The following VRK2 variants were observed in gnomAD, a reference collection of about 807,000 sequenced individuals.
VRK2 encodes serine/threonine-protein kinase VRK2.
In VRK2, 60 loss-of-function variants were observed where a neutral mutation model predicts 57.6. The observed-to-expected ratio is 1.04, with a 90% CI of 0.85 to 1.29. VRK2 has a LOEUF of 1.29. Ranked by LOEUF, VRK2 falls within the 50% of genes most tolerant of loss-of-function variation. VRK2 has a pLI of 0.00. For synonymous variants in VRK2, 231 were observed against 199.2 expected, an observed-to-expected ratio of 1.16 and a Z score of -1.35; for missense variants, 705 against 588.1, an observed-to-expected ratio of 1.20 and a Z score of -2.06.
chr2:57,970,075 G>T (rs138746568), intron 1 of VRK2, among the ~76,000 whole-genome samples: 2 of 150,186 alleles, frequency 1.3e-5, no homozygotes, highest in Non-Finnish European at 3.0e-5. Context: ...ATGACAAAGG[G>T]CATATAAAAT....
chr2:58,131,764 A>G, intron 8 of VRK2, 44 bp from the exon 9 acceptor site: 1 of 1,520,948 alleles, frequency 6.6e-7, no homozygotes, highest in Middle Eastern at 1.8e-4. Context: ...TTTCTCAAGG[A>G]CTTGCTTATC....
chr2:57,940,529 G>T lies in VRK2; in HGVS notation c.-439+32690G>T, dbSNP rs531369974. 2.7e-5 allele frequency among the ~76,000 whole-genome samples: 4 copies of T among 147,846 alleles called. No homozygotes were observed. In the South Asian group the frequency reaches 6.5e-4, roughly 24 times the overall value. ...CTGGGCACTGCATGGCCCAGTCAAGGTGACACAGAATTAACCATCATACAG... is the reference window on the plus strand; with the variant it reads ...CTGGGCACTGCATGGCCCAGTCAAGTTGACACAGAATTAACCATCATACAG... On this transcript the variant is annotated intron_variant, in intron 1 of 15. Coordinates refer to the VRK2 transcript ENST00000417641.
chr2:58,009,411 C>A (rs1485576798), intron 1 of VRK2, among the ~76,000 whole-genome samples: 3 of 151,434 alleles, frequency 2.0e-5, no homozygotes, highest in Non-Finnish European at 4.4e-5. Flanking sequence ...TGAATATCAG[C>A]CATGACCATG....
intron 2 of VRK2, among the ~76,000 whole-genome samples, chr2:58,076,035 C>T (rs938801565): frequency 2.0e-5 from 3 of 151,372 alleles, no homozygotes; most frequent in African/African-American, 7.3e-5. Flanking sequence ...GAGTAAGGAC[C>T]TCCAAGCTCT....
rs144463193 is a variant in VRK2, at chr2:58,102,397, G to A, written c.543+12674G>A. On this transcript the variant is annotated intron_variant, in intron 7 of 12. Transcript: ENST00000340157. ...AGACACTTATAGATTGAAGGCCAAG[G>A]GATTGAAAAAGATATTCCACCCAAG... is the stretch of plus-strand genomic sequence containing the variant. 4.0e-5 allele frequency among the ~76,000 whole-genome samples: 6 copies of A among 150,204 alleles called. No homozygotes were observed. The East Asian group carries it at 7.8e-4, about 19-fold the overall frequency.
chr2:58,061,178 C>T (rs965132606), intron 2 of VRK2, among the ~76,000 whole-genome samples: 4 of 151,058 alleles, frequency 2.6e-5, no homozygotes, highest in African/African-American at 7.3e-5. Flanking sequence ...AACTGTGGTT[C>T]AGAATTATAG....
intron 1 of VRK2, among the ~76,000 whole-genome samples, chr2:58,015,372 T>C (rs1673549105): frequency 6.6e-6 from 1 of 152,230 alleles, no homozygotes; most frequent in Admixed American, 6.5e-5. Context: ...TGGCTATGAA[T>C]CCTGGCCTTA....
chr2:58,040,897 T>C (rs578259003), intron 3 of VRK2, among the ~76,000 whole-genome samples: 1 of 152,312 alleles, frequency 6.6e-6, no homozygotes, highest in African/African-American at 2.4e-5. Context: ...GCATGAAAGG[T>C]AAGCCTAAAA....
intron 2 of VRK2, among the ~76,000 whole-genome samples, chr2:58,052,821 C>T (rs1439991354): frequency 1.3e-5 from 2 of 152,214 alleles, no homozygotes; most frequent in African/African-American, 4.8e-5. Flanking sequence ...GAAAAGTTCT[C>T]ATATAAGCTG....
chr2:58,088,222 T>G, intron 5 of VRK2, 119 bp from the exon 6 acceptor site: 1 of 700,910 alleles, frequency 1.4e-6, no homozygotes, highest in South Asian at 1.8e-5. Flanking sequence ...CTCTAATGGT[T>G]TAGATTGCAT....
At chr2:58,151,714 A>ACTATGCTT (rs1442072905) in intron 12 of VRK2, among the ~76,000 whole-genome samples, 1 of 24,540 alleles carries the variant, frequency 4.1e-5, no homozygotes, top group African/African-American at 1.4e-4. Flanking sequence ...TTTTTTTTTA[A>ACTATGCTT]CTATGCTTCT....
At chr2:58,020,763 T>C (rs1338765845) in intron 1 of VRK2, among the ~76,000 whole-genome samples, 1 of 152,216 alleles carries the variant, frequency 6.6e-6, no homozygotes, top group Non-Finnish European at 1.5e-5. Flanking sequence ...TATTATCTTT[T>C]TCTAAAATAA....
chr2:58,075,594 T>C (rs1434260478), intron 2 of VRK2, among the ~76,000 whole-genome samples: 1 of 152,138 alleles, frequency 6.6e-6, no homozygotes, highest in Non-Finnish European at 1.5e-5. Context: ...TGGTACAAGA[T>C]GGTATCTTGT....
At chr2:58,102,699 A>G (rs781468033) in intron 7 of VRK2, among the ~76,000 whole-genome samples, 4 of 151,620 alleles carry the variant, frequency 2.6e-5, no homozygotes, top group Non-Finnish European at 5.9e-5. Context: ...GATCATTGAG[A>G]CAGAAAATCA....
At chr2:58,020,260 G>A (rs1295581140) in intron 1 of VRK2, among the ~76,000 whole-genome samples, 1 of 152,188 alleles carries the variant, frequency 6.6e-6, no homozygotes, top group Non-Finnish European at 1.5e-5. Flanking sequence ...GTCCCGGCCT[G>A]GAGGGCAGTG....
chr2:58,138,915 A>G (rs1169609379), intron 10 of VRK2, among the ~76,000 whole-genome samples: 1 of 152,204 alleles, frequency 6.6e-6, no homozygotes, highest in Non-Finnish European at 1.5e-5. Context: ...ATTTTAATGC[A>G]GTGATGTTTG....
chr2:58,095,642 G>A (rs929451255), intron 7 of VRK2, among the ~76,000 whole-genome samples: 1 of 151,786 alleles, frequency 6.6e-6, no homozygotes, highest in Non-Finnish European at 1.5e-5. Context: ...GGAATTATTT[G>A]TGGTTCAGAG....
chr2:57,909,553 C>T (rs181232482), intron 1 of VRK2, among the ~76,000 whole-genome samples: 17 of 152,006 alleles, frequency 1.1e-4, no homozygotes, highest in African/African-American at 4.1e-4. Flanking sequence ...TACTAGGTAG[C>T]TCAGGATGCA....
chr2:58,008,635 C>T (rs1673327142), intron 1 of VRK2, among the ~76,000 whole-genome samples: 1 of 151,650 alleles, frequency 6.6e-6, no homozygotes, highest in South Asian at 2.1e-4. Context: ...TTACATCTCT[C>T]CCCAAAAAGC....
Sources: allele counts gnomAD v4.1 joint callset (sites outside exome capture counted in the v4.1 genomes callset), GRCh38; gene constraint gnomAD v4.1.1; transcripts MANE v1.5; gene names NCBI Gene and HGNC (gene_info 2026-07-23, HGNC 2026-07-21).